The following MYH14 variants were observed in gnomAD, a reference collection of about 807,000 sequenced individuals.
MYH14 encodes the protein myosin-14.
In MYH14, 123 loss-of-function variants were observed where a neutral mutation model predicts 255.5. That is an observed-to-expected ratio of 0.48 (90% confidence interval 0.42 to 0.56). The LOEUF (loss-of-function observed/expected upper bound fraction) is 0.56, where lower values mean the gene tolerates loss of function less well. Ranked by LOEUF, MYH14 falls within the 20% of genes least tolerant of loss-of-function variation. The probability of loss-of-function intolerance (pLI) is 0.00; values close to 1 mark genes in which losing one functional copy is unlikely to be tolerated. For missense variants in MYH14, 2,423 were observed against 2,802.3 expected (o/e 0.86, Z 3.06); for synonymous variants, 1,095 against 1,161.2 (o/e 0.94, Z 1.16).
At position 50,210,480 on chromosome 19, in the gene MYH14, G is replaced by T; in HGVS notation, c.115G>T (p.Gly39Trp). The change falls in exon 2 of 43, where the codon GGG becomes TGG. Residue 39 changes from glycine (G) to tryptophan (W), a missense_variant. Transcript: ENST00000642316. ...FTPRGPSAGGGPGSGTSPQVE... is the reference protein window; with the variant it reads ...FTPRGPSAGGWPGSGTSPQVE... ...GCCCCGCGGGCCCAGCGCGGGTGGC[G>T]GGCCTGGCTCGGGCACCTCCCCGCA... The T allele has an allele frequency of 6.4e-7, 1 of 1,550,910 alleles. No individual in the cohort carries two copies. Among genetic ancestry groups the T allele is most frequent in the East Asian group, 2.4e-5 (1 of 40,878 alleles).
chr19:50,301,932 G>A (rs1023791907), intron 40 of MYH14, 63 bp downstream of exon 40: 1 of 1,343,716 alleles, frequency 7.4e-7, no homozygotes, highest in Non-Finnish European at 1.0e-6. Context: ...TGAGAGGAAG[G>A]AGGCTGTGTT....
At chr19:50,211,408 C>T (rs554822606) in intron 2 of MYH14, among the ~76,000 whole-genome samples, 1 of 152,172 alleles carries the variant, frequency 6.6e-6, no homozygotes, top group South Asian at 2.1e-4. Flanking sequence ...TTCAATCTCA[C>T]CATAGGAAAG....
chr19:50,309,208 G>T (rs745438071), intron 42 of MYH14, 31 bp downstream of exon 42: 1 of 1,609,410 alleles, frequency 6.2e-7, no homozygotes, highest in Non-Finnish European at 8.5e-7. Flanking sequence ...GGCCTGACGG[G>T]TGGGGAGCAC....
rs1373211336 is a variant in MYH14, at chr19:50,280,184, C to T, written c.4137+43C>T. On this transcript the variant is annotated intron_variant, in intron 31 of 42. Coordinates refer to ENST00000642316, the MANE Select transcript of MYH14 (RefSeq NM_001145809.2). The surrounding 1 kb of genome is among the most constrained non-coding windows in gnomAD (Gnocchi z 4.8). ...TCGGCTCCACCGTCACCCTCCCCTCCTTGTCCTCCCAGCCACACCTGACAT... is the reference window on the plus strand; with the variant it reads ...TCGGCTCCACCGTCACCCTCCCCTCTTTGTCCTCCCAGCCACACCTGACAT... The T allele has an allele frequency of 3.2e-6, 5 of 1,558,652 alleles. No individual in the cohort carries two copies. Among genetic ancestry groups the T allele is most frequent in the South Asian group, 1.2e-5 (1 of 84,514 alleles).
In MYH14 at chr19:50,289,564, G is replaced by T; in HGVS notation, c.4881G>T (p.Val1627=). The part of the protein sequence containing the change: ...EDAKLRLEVT[V]QALKTQHERD... ...CCAAGCTGCGTCTGGAGGTGACTGT[G>T]CAGGCTCTCAAGACTCAGCATGAGC... Residue 1627 remains valine (V), a synonymous_variant, in exon 35 of 43, where the codon GTG becomes GTT. Coordinates refer to ENST00000642316, the MANE Select transcript of MYH14 (RefSeq NM_001145809.2). 1 of 1,613,016 alleles carries T rather than the reference G, an allele frequency of 6.2e-7. No homozygotes were observed. The highest frequency in any genetic ancestry group is 1.1e-5 in the South Asian group (1 of 90,798).
chr19:50,232,053 G>A lies in MYH14; in HGVS notation c.1097G>A (p.Ser366Asn), dbSNP rs377555668. 1 of 1,612,276 alleles carries A rather than the reference G, an allele frequency of 6.2e-7. No individual in the cohort carries two copies. The highest frequency in any genetic ancestry group is 2.2e-5 in the East Asian group (1 of 44,886). ...TLESLRVLGF[S>N]HEEIISMLRM... ...GAGTCGCTGCGGGTCCTGGGATTCA[G>A]CCACGAGGAAATCATCTGTGAGTGA... Residue 366 changes from serine (S) to asparagine (N), a missense_variant, in exon 10 of 43, where the codon AGC becomes AAC. By Grantham distance (46) the Ser-to-Asn change is conservative. Around this residue, in one of 3 missense-constraint regions of MYH14, gnomAD observed 672 missense variants for 881.8 expected, o/e 0.76. Coordinates refer to ENST00000642316, the MANE Select transcript of MYH14 (RefSeq NM_001145809.2).
chr19:50,237,763 G>A (rs1331314916), intron 10 of MYH14, among the ~76,000 whole-genome samples: 1 of 152,210 alleles, frequency 6.6e-6, no homozygotes, highest in African/African-American at 2.4e-5. Context: ...GAGCTTTTTT[G>A]TCTTTGCTGA....
rs778886225 is a variant in MYH14, at chr19:50,307,136, G to A, written c.5766G>A (p.Val1922=). ...VVLQVEEERR[V]ADQLRDQLEK... ...TCCAGGTGGAGGAGGAGCGGAGGGT[G>A]GCTGACCAGCTCCGGGACCAGGTAA... The change falls in exon 41 of 43, where the codon GTG becomes GTA. Residue 1922 remains valine, a synonymous_variant. Transcript: ENST00000642316. 2 of 1,548,898 alleles carry A rather than the reference G, an allele frequency of 1.3e-6. No individual in the cohort carries two copies. The highest frequency in any genetic ancestry group is 1.4e-5 in the African/African-American group (1 of 72,972).
chr19:50,207,504 C>T (rs117172914), intron 1 of MYH14, among the ~76,000 whole-genome samples: 1 of 151,950 alleles, frequency 6.6e-6, no homozygotes, highest in Admixed American at 6.6e-5. Flanking sequence ...CTGGATCCAC[C>T]CCTAGGCCAG....
chr19:50,295,757 A>G (rs2036244176), intron 39 of MYH14, among the ~76,000 whole-genome samples: 1 of 152,066 alleles, frequency 6.6e-6, no homozygotes, highest in African/African-American at 2.4e-5. Context: ...GCACCACTGC[A>G]CTCCAGCCTG....
intron 21 of MYH14, among the ~76,000 whole-genome samples, chr19:50,262,267 G>T (rs1387832876): frequency 6.6e-6 from 1 of 152,130 alleles, no homozygotes; most frequent in African/African-American, 2.4e-5. Flanking sequence ...CTTAGAAGTG[G>T]CTCAGAGAGG....
intron 2 of MYH14, among the ~76,000 whole-genome samples, chr19:50,215,317 C>A (rs369022469): frequency 1.3e-5 from 2 of 152,154 alleles, no homozygotes; most frequent in Non-Finnish European, 2.9e-5. Flanking sequence ...GTGGTCCGGC[C>A]GCCCCACCCT....
At chr19:50,309,581 TTCTCCTCCCC>T in intron 42 of MYH14, 49 bp from the exon 43 acceptor site, 1 of 886,684 alleles carries the variant, frequency 1.1e-6, no homozygotes, top group Non-Finnish European at 1.7e-6. Context: ...TCCTCCCCCT[TTCTCCTCCCC>T]TCCCCTCCCC....
chr19:50,225,543 C>G, intron 6 of MYH14, 42 bp from the exon 7 acceptor site: 2 of 1,547,504 alleles, frequency 1.3e-6, no homozygotes, highest in East Asian at 2.3e-5. Flanking sequence ...GCCTCCTGCC[C>G]CATTCTCACT....
intron 39 of MYH14, among the ~76,000 whole-genome samples, chr19:50,296,967 G>A (rs535968632): frequency 8.6e-6 from 1 of 116,886 alleles, no homozygotes; most frequent in South Asian, 4.0e-4. Flanking sequence ...CAACAGGAAT[G>A]TATTCTCTCT....
In MYH14 at chr19:50,224,079, TG is replaced by T; in HGVS notation, c.694-73del. 2 of 901,316 alleles carry T rather than the reference TG, an allele frequency of 2.2e-6. 1 individual carries two copies. The highest frequency in any genetic ancestry group is 2.7e-5 in the South Asian group (2 of 75,324). 55.8% of individuals were successfully genotyped at this position (901,316 alleles called of 1,614,324 possible). Reference sequence around the variant, plus strand: ...CCCCCATGCCACCACCTGAGATCACTGGTTCACCTGTGTGTCTGTCCACGTT... The same window carrying T: ...CCCCCATGCCACCACCTGAGATCACTGTTCACCTGTGTGTCTGTCCACGTT... On this transcript the variant is annotated intron_variant, in intron 5 of 42. Coordinates refer to ENST00000642316, the MANE Select transcript of MYH14 (RefSeq NM_001145809.2).
At chr19:50,210,330 T>A in intron 1 of MYH14, 33 bp from the exon 2 acceptor site, 1 of 1,550,356 alleles carries the variant, frequency 6.5e-7, no homozygotes, top group Non-Finnish European at 8.7e-7. Flanking sequence ...CGGAGCCCCA[T>A]CTGACCCCCA....
chr19:50,257,477 C>T lies in MYH14; in HGVS notation c.2223C>T (p.His741=), dbSNP rs771421242. The change falls in exon 18 of 43, where the codon CAC becomes CAT. Residue 741 remains histidine (H), a synonymous_variant. Coordinates refer to ENST00000642316, the MANE Select transcript of MYH14 (RefSeq NM_001145809.2). The part of the protein sequence containing the change: ...PSFVRCIVPN[H]EKRAGKLEPR... ...TTGTCCGCTGCATTGTCCCCAACCA[C>T]GAGAAGAGGGTGAGTGACTCAGCCT... is the stretch of plus-strand genomic sequence containing the variant. The T allele has an allele frequency of 3.8e-5, 61 of 1,601,620 alleles. No individual in the cohort carries two copies. Among genetic ancestry groups the T allele is most frequent in the Admixed American group, 8.6e-5 (5 of 58,310 alleles).
rs775005931 is a variant in MYH14, at chr19:50,248,996, G to A, written c.1339G>A (p.Ala447Thr). ...KAQTKEQADF[A>T]LEALAKATYE... The stretch of plus-strand genomic sequence containing the variant: ...GAGCCCTGTCCCACAGGCTGACTTC[G>A]CGCTGGAGGCCCTGGCCAAGGCCAC... Residue 447 changes from alanine (A) to threonine (T), a missense_variant, in exon 13 of 43, where the codon GCG becomes ACG. Ala to Thr is a moderately conservative substitution (Grantham distance 58, BLOSUM62 0). Around this residue, in one of 3 missense-constraint regions of MYH14, gnomAD observed 672 missense variants for 881.8 expected, o/e 0.76. Coordinates refer to ENST00000642316, the MANE Select transcript of MYH14 (RefSeq NM_001145809.2). 31 of 1,613,358 alleles carry A rather than the reference G, an allele frequency of 1.9e-5. No homozygotes were observed. Among genetic ancestry groups the A allele is most frequent in the African/African-American group, 5.3e-5 (4 of 74,938 alleles).
Sources: allele counts gnomAD v4.1 joint callset (sites outside exome capture counted in the v4.1 genomes callset), GRCh38; gene constraint gnomAD v4.1.1; regional missense constraint gnomAD v4.1.1; non-coding constraint Gnocchi (gnomAD v3.1); transcripts MANE v1.5; gene names NCBI Gene and HGNC (gene_info 2026-07-23, HGNC 2026-07-21).